DLGAP2: variants seen among roughly 807,000 people sequenced by gnomAD.
The protein encoded by DLGAP2 is disks large-associated protein 2.
Under a neutral mutation model 100.3 loss-of-function variants are expected in DLGAP2, and 26 were observed. The observed-to-expected ratio is 0.26, with a 90% CI of 0.19 to 0.36. The LOEUF (loss-of-function observed/expected upper bound fraction) is 0.36. Ranked by LOEUF, DLGAP2 falls within the 10% of genes least tolerant of loss-of-function variation. DLGAP2 has a pLI of 1.00. For missense variants in DLGAP2, 1,858 were observed against 1,453.2 expected, an observed-to-expected ratio of 1.28 and a Z score of -4.53; for synonymous variants, 886 against 630.1, an observed-to-expected ratio of 1.41 and a Z score of -6.08.
At chr8:1,233,131 C>T (rs1438375771) in intron 2 of DLGAP2, among the ~76,000 whole-genome samples, 1 of 152,218 alleles carries the variant, frequency 6.6e-6, no homozygotes, top group Non-Finnish European at 1.5e-5. Context: ...TCCCTCCATG[C>T]TTTTAATGAG....
At chr8:1,457,232 G>T (rs1798340268) in intron 3 of DLGAP2, among the ~76,000 whole-genome samples, 1 of 152,048 alleles carries the variant, frequency 6.6e-6, no homozygotes, top group African/African-American at 2.4e-5. Flanking sequence ...ATTTTTACAA[G>T]ATCTAACTCC....
intron 2 of DLGAP2, among the ~76,000 whole-genome samples, chr8:1,199,630 C>T (rs145314419): frequency 2.0e-3 from 297 of 152,174 alleles, no homozygotes; most frequent in African/African-American, 6.4e-3. Context: ...GCCAGATGGG[C>T]GCTAGAAAGT....
chr8:1,674,242 G>A (rs1008170296), intron 10 of DLGAP2, among the ~76,000 whole-genome samples: 7 of 152,010 alleles, frequency 4.6e-5, no homozygotes, highest in Admixed American at 3.9e-4. Flanking sequence ...ATGGGGTCTT[G>A]CCATGTTGCC....
chr8:1,421,291 G>T (rs1797080196), intron 3 of DLGAP2, among the ~76,000 whole-genome samples: 1 of 152,110 alleles, frequency 6.6e-6, no homozygotes. Context: ...TTTCTATCCA[G>T]TGCTTTTTGA....
intron 2 of DLGAP2, among the ~76,000 whole-genome samples, chr8:1,250,824 T>G (rs1033424469): frequency 1.3e-5 from 2 of 152,206 alleles, no homozygotes; most frequent in South Asian, 4.1e-4. Context: ...CACACTTATG[T>G]CGGCCTGCTT....
chr8:1,647,850 T>C lies in DLGAP2; in HGVS notation c.1810+14804T>C, dbSNP rs192440751. Among the ~76,000 whole-genome samples the C allele has an allele frequency of 4.5e-3, 686 of 152,278 alleles. 3 individuals carry two copies. The highest frequency in any genetic ancestry group is 6.8e-3 in the Middle Eastern group (2 of 294). ...GGAAGTCTGGGGTCAGGGTGTCCAG[T>C]GTGGGCAGCCTCCTTGTTCATAGGC... On this transcript the variant is annotated intron_variant, in intron 8 of 14. Transcript: ENST00000637795.
chr8:1,257,632 T>A (rs887033145), intron 2 of DLGAP2, among the ~76,000 whole-genome samples: 3 of 151,948 alleles, frequency 2.0e-5, no homozygotes, highest in Non-Finnish European at 4.4e-5. Flanking sequence ...GATGGCAGAG[T>A]GTGTGCCTCT....
chr8:1,586,258 C>T (rs1796115905), intron 6 of DLGAP2, among the ~76,000 whole-genome samples: 1 of 152,238 alleles, frequency 6.6e-6, no homozygotes, highest in Admixed American at 6.5e-5. Context: ...TTTTCTTTCA[C>T]ATCAAGATGT....
At chr8:1,019,207 C>G (rs1801559080) in intron 2 of DLGAP2, 1 of 152,118 alleles carries the variant, frequency 6.6e-6, no homozygotes, top group African/African-American at 2.4e-5. Flanking sequence ...GGCACTGTGC[C>G]GGTTCCCATG....
At position 1,580,080 on chromosome 8, in the gene DLGAP2, A is replaced by G. The variant is rs150056416; in HGVS notation, c.1442+14186A>G. Among the ~76,000 whole-genome samples, 432 of 152,330 alleles carry G rather than the reference A, an allele frequency of 2.8e-3. 2 individuals are homozygous for G. The highest frequency in any genetic ancestry group is 9.7e-3 in the African/African-American group (405 of 41,570). ...ATCCATTCCCACTGTTCTGTACACG[A>G]TGACCAAGATTTCATCAAAATTTAG... On this transcript the variant is annotated intron_variant, in intron 6 of 14. Coordinates refer to ENST00000637795, the MANE Select transcript of DLGAP2 (RefSeq NM_001346810.2).
intron 6 of DLGAP2, among the ~76,000 whole-genome samples, chr8:1,595,702 A>C (rs1199876351): frequency 1.3e-5 from 2 of 150,034 alleles, no homozygotes; most frequent in African/African-American, 4.9e-5. Context: ...GAAATAGGTC[A>C]TTCCGGAAGC....
At chr8:1,479,362 C>A (rs576896071) in intron 3 of DLGAP2, among the ~76,000 whole-genome samples, 1 of 152,196 alleles carries the variant, frequency 6.6e-6, no homozygotes, top group Non-Finnish European at 1.5e-5. Context: ...ACTCTGGGGA[C>A]GAAAGTGACC....
chr8:867,568 T>C (rs926488014), intron 1 of DLGAP2, among the ~76,000 whole-genome samples: 1 of 152,202 alleles, frequency 6.6e-6, no homozygotes, highest in Non-Finnish European at 1.5e-5. Context: ...GACCTGGTGG[T>C]AGCACGCTCT....
At chr8:1,005,758 G>C (rs1215138595) in intron 2 of DLGAP2, among the ~76,000 whole-genome samples, 1 of 152,034 alleles carries the variant, frequency 6.6e-6, no homozygotes, top group Non-Finnish European at 1.5e-5. Flanking sequence ...TGTGCCCTGG[G>C]AACTGCAGAC....
chr8:1,211,130 C>G (rs1012886112), intron 2 of DLGAP2, among the ~76,000 whole-genome samples: 22 of 152,194 alleles, frequency 1.4e-4, no homozygotes, highest in Admixed American at 9.8e-4. Flanking sequence ...GAACAATGTT[C>G]CGTGGTTTTG....
At chr8:1,369,438 A>C (rs949186836) in intron 3 of DLGAP2, 1 of 152,122 alleles carries the variant, frequency 6.6e-6, no homozygotes, top group Admixed American at 6.5e-5. Context: ...CTATCTTCAC[A>C]TGCAGTCACA....
chr8:908,638 A>T (rs1439260968), intron 2 of DLGAP2, among the ~76,000 whole-genome samples: 2 of 152,254 alleles, frequency 1.3e-5, no homozygotes, highest in African/African-American at 4.8e-5. Flanking sequence ...AGGGCTTGTT[A>T]TCCTGTGGAT....
chr8:1,171,188 G>A (rs1054178232), intron 2 of DLGAP2, among the ~76,000 whole-genome samples: 21 of 152,202 alleles, frequency 1.4e-4, no homozygotes, highest in East Asian at 9.7e-4. Context: ...GTAGTTGAGC[G>A]GTTTTGAGTG....
chr8:1,244,011 C>T (rs1798853406), intron 2 of DLGAP2, among the ~76,000 whole-genome samples: 1 of 152,126 alleles, frequency 6.6e-6, no homozygotes, highest in Admixed American at 6.5e-5. Flanking sequence ...CCAGCCTCTG[C>T]ACTCCACCAT....
Sources: allele counts gnomAD v4.1 joint callset (sites outside exome capture counted in the v4.1 genomes callset), GRCh38; gene constraint gnomAD v4.1.1; transcripts MANE v1.5; gene names NCBI Gene and HGNC (gene_info 2026-07-23, HGNC 2026-07-21).